Variants in TMEM45B observed in about 807,000 individuals in gnomAD.
The protein encoded by TMEM45B is transmembrane protein 45B.
Under a neutral mutation model 27.3 loss-of-function variants are expected in TMEM45B, and 29 were observed. That is an observed-to-expected ratio of 1.06 (90% CI 0.79 to 1.45). The LOEUF (loss-of-function observed/expected upper bound fraction) is 1.45, where lower values mean the gene tolerates loss of function less well. Ranked by LOEUF, TMEM45B falls within the 40% of genes most tolerant of loss-of-function variation. TMEM45B has a pLI of 0.00. For synonymous variants in TMEM45B, 143 were observed against 134.7 expected (o/e 1.06, Z -0.43); for missense variants, 348 against 343.9 (o/e 1.01, Z -0.09).
At chr11:129,849,155 G>A (rs556289212) in intron 1 of TMEM45B, among the ~76,000 whole-genome samples, 4 of 152,156 alleles carry the variant, frequency 2.6e-5, no homozygotes, top group Non-Finnish European at 5.9e-5. Flanking sequence ...TCTTATCTAA[G>A]TCAGGTGTGA....
At position 129,859,953 on chromosome 11, in the gene TMEM45B, G is replaced by A. The variant is rs1947985797; in HGVS notation, c.*1268G>A. ...ACAGTCAAACAGGAGAGACATGCCT[G>A]TAGTTACATCCAGTGTGATGGGTGC... On this transcript the variant is annotated 3_prime_UTR_variant, in exon 6 of 6. Coordinates refer to ENST00000281441, the MANE Select transcript of TMEM45B (RefSeq NM_138788.5). The A allele has an allele frequency of 6.6e-6, 1 of 152,630 alleles. No homozygotes were observed. Among genetic ancestry groups the A allele is most frequent in the Non-Finnish European group, 1.5e-5 (1 of 68,056 alleles). 9.5% of individuals were successfully genotyped at this position (152,630 alleles called of 1,614,324 possible).
chr11:129,824,525 C>CT (rs1284609954), intron 1 of TMEM45B, among the ~76,000 whole-genome samples: 3 of 152,180 alleles, frequency 2.0e-5, no homozygotes, highest in Non-Finnish European at 2.9e-5. Context: ...TTACCTAGCT[C>CT]TAAGAATTGT....
chr11:129,843,086 T>A (rs941725809), intron 1 of TMEM45B, among the ~76,000 whole-genome samples: 2 of 152,226 alleles, frequency 1.3e-5, no homozygotes, highest in African/African-American at 4.8e-5. Context: ...ACTACAGGCA[T>A]GCGCCACCAC....
At position 129,852,666 on chromosome 11, in the gene TMEM45B, A is replaced by G; in HGVS notation, c.178+6A>G. 2 of 1,595,054 alleles carry G rather than the reference A, an allele frequency of 1.3e-6. No individual in the cohort carries two copies. The highest frequency in any genetic ancestry group is 1.1e-5 in the South Asian group (1 of 90,588). On this transcript the variant is annotated splice_donor_region_variant and intron_variant, in intron 2 of 5. Coordinates refer to ENST00000281441, the MANE Select transcript of TMEM45B (RefSeq NM_138788.5). Reference sequence around the variant, plus strand: ...GACTTTGTTTTCCGTCACTGGTAAGAGCAGGGGTCATTTGGTCTAGGGAAT... The same window carrying G: ...GACTTTGTTTTCCGTCACTGGTAAGGGCAGGGGTCATTTGGTCTAGGGAAT...
In TMEM45B at chr11:129,820,285, C is replaced by T. The variant is rs187300716; in HGVS notation, c.-9+4387C>T. On this transcript the variant is annotated intron_variant, in intron 1 of 5. Transcript: ENST00000281441. ...AGCCGAGATCATGCCACTTGCACTC[C>T]AGCCTGGACAACAAGAGCGAAACTC... Among the ~76,000 whole-genome samples the T allele has an allele frequency of 1.2e-4, 18 of 152,124 alleles. 1 individual carries two copies. Among genetic ancestry groups the T allele is most frequent in the Admixed American group, 7.8e-4 (12 of 15,292 alleles).
At chr11:129,850,310 T>C (rs1156386674) in intron 1 of TMEM45B, 40 of 152,036 alleles carry the variant, frequency 2.6e-4, no homozygotes, top group Admixed American at 2.6e-3. Flanking sequence ...GACTACAGGC[T>C]CCTGCCACCG....
intron 1 of TMEM45B, among the ~76,000 whole-genome samples, chr11:129,837,585 C>CTTTTGTTTTTTTTTT (rs1363107158): frequency 1.2e-5 from 1 of 80,294 alleles, no homozygotes; most frequent in African/African-American, 4.3e-5. Context: ...CTGCACTGGG[C>CTTTTGTTTTTTTTTT]TTTTTTTTTT....
chr11:129,817,076 G>C (rs145250407), intron 1 of TMEM45B, among the ~76,000 whole-genome samples: 1,622 of 151,986 alleles, frequency 0.011, 19 homozygotes, highest in Non-Finnish European at 0.018. Flanking sequence ...CGTTCTCTTC[G>C]ACCGCTTTCT....
chr11:129,847,826 T>G (rs1947784167), intron 1 of TMEM45B, among the ~76,000 whole-genome samples: 1 of 152,068 alleles, frequency 6.6e-6, no homozygotes, highest in African/African-American at 2.4e-5. Flanking sequence ...CTCAATCTTT[T>G]CCCCACCTTT....
At chr11:129,854,525 C>T (rs546814301) in intron 2 of TMEM45B, 85 bp from the exon 3 acceptor site, 20 of 1,404,660 alleles carry the variant, frequency 1.4e-5, no homozygotes, top group South Asian at 7.5e-5. Context: ...ATCTCCGCTT[C>T]GCTCATGCCT....
rs554727339 is a variant in TMEM45B at position 129,853,760 on chromosome 11, C to T, written c.179-850C>T. ...CACTGGGACTTTTCCTGGGTCATTT[C>T]CACAACTTCCTGACTCTGTGTGTGG... On this transcript the variant is annotated intron_variant, in intron 2 of 5. Transcript: ENST00000281441. Among the ~76,000 whole-genome samples the T allele has an allele frequency of 1.8e-3, 277 of 152,172 alleles. 2 individuals carry two copies. The highest frequency in any genetic ancestry group is 5.9e-3 in the African/African-American group (246 of 41,508).
chr11:129,854,844 A>AG, intron 3 of TMEM45B, 28 bp downstream of exon 3: 1 of 1,604,330 alleles, frequency 6.2e-7, no homozygotes, highest in African/African-American at 1.3e-5. Context: ...ATGGAGAGGA[A>AG]GGAGAGCCTG....
At chr11:129,850,005 A>G (rs536393) in intron 1 of TMEM45B, among the ~76,000 whole-genome samples, 63,027 of 151,966 alleles carry the variant, frequency 0.41, 14,759 homozygotes, top group African/African-American at 0.64. Context: ...CCTGCTTATC[A>G]GTCCTGTGGC....
chr11:129,830,610 A>G (rs1947536296), intron 1 of TMEM45B, among the ~76,000 whole-genome samples: 2 of 152,278 alleles, frequency 1.3e-5, no homozygotes, highest in African/African-American at 4.8e-5. Context: ...ATCTAGAATA[A>G]AGAACTATTA....
At chr11:129,815,993 G>A in intron 1 of TMEM45B, 95 bp downstream of exon 1, 1 of 1,240,910 alleles carries the variant, frequency 8.1e-7, no homozygotes, top group Non-Finnish European at 1.0e-6. Flanking sequence ...TGGAGAGGAG[G>A]TTCCGACTCG....
At chr11:129,856,380 T>A (rs1010236646) in intron 4 of TMEM45B, among the ~76,000 whole-genome samples, 5 of 143,326 alleles carry the variant, frequency 3.5e-5, no homozygotes, top group Non-Finnish European at 7.7e-5. Flanking sequence ...CCTGGCTAAT[T>A]TTTTTGTATT....
At chr11:129,855,230 A>C (rs2135606262) in intron 3 of TMEM45B, among the ~76,000 whole-genome samples, 1 of 152,264 alleles carries the variant, frequency 6.6e-6, no homozygotes, top group South Asian at 2.1e-4. Context: ...AAGCGAAACC[A>C]CACTCTACCT....
chr11:129,831,541 C>T (rs992403041), intron 1 of TMEM45B, among the ~76,000 whole-genome samples: 8 of 152,036 alleles, frequency 5.3e-5, no homozygotes, highest in African/African-American at 1.5e-4. Flanking sequence ...CTTGAAGTTT[C>T]GATGTAATGG....
In TMEM45B at chr11:129,859,150, G is replaced by C. The variant is rs1348410810; in HGVS notation, c.*465G>C. On this transcript the variant is annotated 3_prime_UTR_variant, in exon 6 of 6. Transcript: ENST00000281441. The stretch of plus-strand genomic sequence containing the variant: ...GTGTAAGCAAACGACAGTGCCTTTA[G>C]AATTACAATTCTAACTTACATATTT... 1.3e-5 allele frequency: 2 copies of C among 152,178 alleles called. No homozygotes were observed. Among genetic ancestry groups the C allele is most frequent in the Non-Finnish European group, 2.9e-5 (2 of 68,086 alleles). The allele number at this position is 152,178 out of a possible 1,614,324, so 9.4% of individuals were successfully genotyped here.
Sources: gnomAD v4.1 joint callset for allele counts (sites outside exome capture counted in the v4.1 genomes callset) on GRCh38, gnomAD v4.1.1 for gene constraint, MANE v1.5 for transcripts, NCBI Gene and HGNC (gene_info 2026-07-23, HGNC 2026-07-21) for gene names.